CYB5B: variants seen among roughly 807,000 people sequenced by gnomAD.
CYB5B encodes cytochrome b5 type B (outer mitochondrial membrane).
In CYB5B, 14 loss-of-function variants were observed where a neutral mutation model predicts 21.3. That is an observed-to-expected ratio of 0.66 (90% CI 0.43 to 1.03). CYB5B has a LOEUF of 1.03. Ranked by LOEUF, CYB5B falls within the 50% of genes least tolerant of loss-of-function variation. The probability of loss-of-function intolerance (pLI) is 0.00; values close to 1 mark genes in which losing one functional copy is unlikely to be tolerated. For missense variants in CYB5B, 166 were observed against 185.1 expected, an observed-to-expected ratio of 0.90 and a Z score of 0.60; for synonymous variants, 69 against 68.4, an observed-to-expected ratio of 1.01 and a Z score of -0.04.
chr16:69,437,708 A>C (rs964119072), intron 1 of CYB5B, among the ~76,000 whole-genome samples: 4 of 152,062 alleles, frequency 2.6e-5, no homozygotes, highest in Admixed American at 2.6e-4. Flanking sequence ...ACCACCATCT[A>C]TTTCCAAAAC....
rs576157165 is a variant in CYB5B, at chr16:69,448,268, C to T, written c.333+124C>T. 4 of 1,183,760 alleles carry T rather than the reference C, an allele frequency of 3.4e-6. No homozygotes were observed. In the South Asian group the frequency reaches 4.1e-5, roughly 12 times the overall value. The allele number at this position is 1,183,760 out of a possible 1,614,324, so 73.3% of individuals were successfully genotyped here. A position where few individuals can be genotyped will look rare whatever the true frequency, so the allele number is the denominator to read the frequency against. On this transcript the variant is annotated intron_variant, in intron 3 of 4. Transcript: ENST00000307892. ...TTTACTTTTTCCCCAAGCAAAAATC[C>T]TATTTTTCTGGAATTTGGACTCAGT...
At chr16:69,434,262 C>T (rs1041400999) in intron 1 of CYB5B, among the ~76,000 whole-genome samples, 1 of 152,174 alleles carries the variant, frequency 6.6e-6, no homozygotes, top group Non-Finnish European at 1.5e-5. Context: ...TTTATCCATT[C>T]ACTTGTTGAT....
At chr16:69,440,001 TG>T (rs1193457816) in intron 1 of CYB5B, among the ~76,000 whole-genome samples, 1 of 152,218 alleles carries the variant, frequency 6.6e-6, no homozygotes, top group African/African-American at 2.4e-5. Context: ...CCCAAGTAGC[TG>T]GGACTACAGA....
chr16:69,448,085 A>C (rs1483839229), intron 2 of CYB5B, 30 bp from the exon 3 acceptor site: 3 of 1,607,876 alleles, frequency 1.9e-6, no homozygotes, highest in Non-Finnish European at 2.5e-6. Context: ...CTATGTCTTA[A>C]AATATTATTT....
chr16:69,433,870 T>C (rs2014731014), intron 1 of CYB5B, among the ~76,000 whole-genome samples: 1 of 152,210 alleles, frequency 6.6e-6, no homozygotes, highest in Admixed American at 6.5e-5. Flanking sequence ...CTAGGTAGTA[T>C]AGCCTGCTAC....
intron 4 of CYB5B, among the ~76,000 whole-genome samples, chr16:69,461,160 G>A (rs775268483): frequency 2.0e-5 from 3 of 151,314 alleles, no homozygotes; most frequent in African/African-American, 4.9e-5. Flanking sequence ...AGCCAAGATC[G>A]CGCCACCGCA....
At position 69,425,429 on chromosome 16, in the gene CYB5B, A is replaced by G. The variant is rs115451106; in HGVS notation, c.174+572A>G. On this transcript the variant is annotated intron_variant, in intron 1 of 4. Transcript: ENST00000307892. ...AATCAACCCTTTTTTTTTGTTTTTG[A>G]CTCATGTTTTGTCATTTTTCTTAAA... is the stretch of plus-strand genomic sequence containing the variant. Among the ~76,000 whole-genome samples, 770 of 149,832 alleles carry G rather than the reference A, an allele frequency of 5.1e-3. 7 individuals carry two copies. Among genetic ancestry groups the G allele is most frequent in the African/African-American group, 0.018 (730 of 40,658 alleles).
chr16:69,437,137 C>T lies in CYB5B; in HGVS notation c.175-10013C>T, dbSNP rs553516300. Among the ~76,000 whole-genome samples the T allele has an allele frequency of 5.9e-5, 9 of 152,226 alleles. No homozygotes were observed. The East Asian group carries it at 9.6e-4, about 16-fold the overall frequency. ...AAAGTATTTCACTTGATTATTATTG[C>T]TTGATTTAGACAGAAATGAATAGAT... On this transcript the variant is annotated intron_variant, in intron 1 of 4. Coordinates refer to ENST00000307892, the MANE Select transcript of CYB5B (RefSeq NM_030579.3).
chr16:69,459,814 C>G (rs952814172), intron 4 of CYB5B, among the ~76,000 whole-genome samples: 5 of 151,944 alleles, frequency 3.3e-5, no homozygotes, highest in Admixed American at 6.6e-5. Flanking sequence ...AGATCTATTA[C>G]TTGAGGTAAC....
chr16:69,444,774 T>G (rs963016819), intron 1 of CYB5B, among the ~76,000 whole-genome samples: 42 of 146,604 alleles, frequency 2.9e-4, no homozygotes, highest in African/African-American at 1.1e-3. Flanking sequence ...ATAGTAAGGA[T>G]TCAATAAAAA....
chr16:69,452,490 G>A (rs574998662), intron 3 of CYB5B, among the ~76,000 whole-genome samples: 7 of 151,906 alleles, frequency 4.6e-5, no homozygotes, highest in East Asian at 1.9e-4. Flanking sequence ...AGACCAGCCC[G>A]GCCAACATGG....
At chr16:69,428,659 GAAA>G (rs747115797) in intron 1 of CYB5B, among the ~76,000 whole-genome samples, 16 of 146,168 alleles carry the variant, frequency 1.1e-4, no homozygotes, top group Non-Finnish European at 2.1e-4. Context: ...CGTCACAAAT[GAAA>G]AAAAAAAGAA....
chr16:69,451,066 T>G (rs1488505063), intron 3 of CYB5B, among the ~76,000 whole-genome samples: 1 of 152,244 alleles, frequency 6.6e-6, no homozygotes, highest in Non-Finnish European at 1.5e-5. Context: ...ATTAATATAC[T>G]AAAAACGTAA....
intron 3 of CYB5B, among the ~76,000 whole-genome samples, chr16:69,457,709 A>G (rs1200352411): frequency 1.3e-5 from 2 of 152,214 alleles, no homozygotes; most frequent in Non-Finnish European, 2.9e-5. Flanking sequence ...TAATCATTAA[A>G]GTCTTAAAGA....
At chr16:69,426,673 C>G (rs184825833) in intron 1 of CYB5B, among the ~76,000 whole-genome samples, 52 of 142,928 alleles carry the variant, frequency 3.6e-4, no homozygotes, top group African/African-American at 1.4e-3. Flanking sequence ...CCACTGCACT[C>G]CAGCCTGGGC....
chr16:69,448,349 AAT>A, intron 3 of CYB5B: 1 of 602,166 alleles, frequency 1.7e-6, no homozygotes, highest in Non-Finnish European at 2.9e-6. Flanking sequence ...ACATTTTGCT[AAT>A]GCCTTTATAC....
intron 1 of CYB5B, among the ~76,000 whole-genome samples, chr16:69,440,143 G>A (rs1033825194): frequency 2.0e-5 from 3 of 152,082 alleles, no homozygotes; most frequent in African/African-American, 7.2e-5. Flanking sequence ...CCAAAGTCCT[G>A]GGATTATAGG....
intron 1 of CYB5B, among the ~76,000 whole-genome samples, chr16:69,429,430 C>T (rs1377772100): frequency 2.0e-5 from 3 of 152,108 alleles, no homozygotes; most frequent in Non-Finnish European, 4.4e-5. Context: ...CATTTACAAT[C>T]CTTTAGCTAG....
chr16:69,427,171 GGCTGCAGTGAGGTGAGATGGTGCT>G (rs2014656218), intron 1 of CYB5B, among the ~76,000 whole-genome samples: 1 of 152,156 alleles, frequency 6.6e-6, no homozygotes, highest in African/African-American at 2.4e-5. Context: ...GGGAGGTGGA[GGCTGCAGTGAGGTGAGATGGTGCT>G]GCTGCACTCC....
Sources: allele counts gnomAD v4.1 joint callset (sites outside exome capture counted in the v4.1 genomes callset), GRCh38; gene constraint gnomAD v4.1.1; transcripts MANE v1.5; gene names NCBI Gene and HGNC (gene_info 2026-07-23, HGNC 2026-07-21).